The following SLC17A1 variants were observed in gnomAD, a reference collection of about 807,000 sequenced individuals.
SLC17A1 encodes the protein sodium-dependent phosphate transport protein 1.
In SLC17A1, 51 loss-of-function variants were observed where a neutral mutation model predicts 53.5. The ratio of observed to expected loss-of-function variants is 0.95; its 90% CI spans 0.76 to 1.20. SLC17A1 has a LOEUF of 1.20. Ranked by LOEUF, SLC17A1 falls within the 50% of genes most tolerant of loss-of-function variation. SLC17A1 has a pLI of 0.00. For synonymous variants in SLC17A1, 179 were observed against 198.8 expected, an observed-to-expected ratio of 0.90 and a Z score of 0.84; for missense variants, 538 against 568.2, an observed-to-expected ratio of 0.95 and a Z score of 0.54.
chr6:25,822,578 G>A (rs1764600809), intron 3 of SLC17A1, among the ~76,000 whole-genome samples: 1 of 152,096 alleles, frequency 6.6e-6, no homozygotes, highest in Non-Finnish European at 1.5e-5. Context: ...ATGGCAAAAG[G>A]TTTCATGGGG....
the SLC17A1 span, among the ~76,000 whole-genome samples, chr6:25,749,422 G>A: frequency 6.6e-6 from 1 of 152,134 alleles, no homozygotes; most frequent in South Asian, 2.1e-4. Context: ...AGTTTCTTAT[G>A]TCTTCCTTTT....
At position 25,782,932 on chromosome 6, in the gene SLC17A1, T is replaced by C. The variant is rs1763296861; in HGVS notation, c.*289A>G. On this transcript the variant is annotated 3_prime_UTR_variant, in exon 13 of 13. Transcript: ENST00000244527. ...CCTTAGAATAAAATTTTATCTTGTGTGTATTTATTGGTTTGACAATCATTT... is the reference window on the plus strand; with the variant it reads ...CCTTAGAATAAAATTTTATCTTGTGCGTATTTATTGGTTTGACAATCATTT... 1 of 152,210 alleles carries C rather than the reference T, an allele frequency of 6.6e-6. No homozygotes were observed. The allele number at this position is 152,210 out of a possible 1,614,324, so 9.4% of individuals were successfully genotyped here. A position where few individuals can be genotyped will look rare whatever the true frequency, so the allele number is the denominator to read the frequency against.
chr6:25,736,914 A>G, the SLC17A1 span, among the ~76,000 whole-genome samples: 2 of 152,222 alleles, frequency 1.3e-5, no homozygotes, highest in African/African-American at 2.4e-5. Context: ...ACAGTGAAAG[A>G]GATCTGACCT....
chr6:25,771,204 G>T, the SLC17A1 span, among the ~76,000 whole-genome samples: 1 of 152,106 alleles, frequency 6.6e-6, no homozygotes, highest in African/African-American at 2.4e-5. Flanking sequence ...TGACATTAGA[G>T]GCATCATAAC....
In SLC17A1 at chr6:25,812,917, T is replaced by G; in HGVS notation, c.811A>C (p.Ser271Arg). 1 of 1,613,654 alleles carries G rather than the reference T, an allele frequency of 6.2e-7. No homozygotes were observed. The change falls in exon 8 of 13, where the codon AGT becomes CGT. Residue 271 changes from serine to arginine, a missense_variant. Transcript: ENST00000244527. ...SLPVWAISTG[S>R]FTFFWSHNIM... ...TTATGTGACCAGAAAAACGTAAAAC[T>G]ACCAGTGGAAATAGCCCAGACTGGA...
In SLC17A1 at chr6:25,830,020, T is replaced by C. The variant is rs183848706; in HGVS notation, c.34+504A>G. ...GTTGAAAAAGTATACAATCTATCGC[T>C]CATCTCCTTTTCTGGGATTTTGTCC... On this transcript the variant is annotated intron_variant, in intron 2 of 12. Coordinates refer to ENST00000244527, the MANE Select transcript of SLC17A1 (RefSeq NM_005074.5). Among the ~76,000 whole-genome samples the C allele has an allele frequency of 1.8e-4, 27 of 152,310 alleles. No individual in the cohort carries two copies. The East Asian group carries it at 5.2e-3, about 29-fold the overall frequency.
At chr6:25,770,694 A>C in the SLC17A1 span, among the ~76,000 whole-genome samples, 4 of 152,182 alleles carry the variant, frequency 2.6e-5, no homozygotes, top group Non-Finnish European at 5.9e-5. Flanking sequence ...TTATCCTCAA[A>C]ATAATTTTAT....
the SLC17A1 span, among the ~76,000 whole-genome samples, chr6:25,739,022 C>T: frequency 6.6e-6 from 1 of 152,124 alleles, no homozygotes; most frequent in African/African-American, 2.4e-5. Context: ...ATCTAGTACT[C>T]CCACTATGGA....
chr6:25,770,281 T>C, the SLC17A1 span: 1 of 1,614,126 alleles, frequency 6.2e-7, no homozygotes, highest in Non-Finnish European at 8.5e-7. Context: ...GTCCTCCGGA[T>C]TGTACAAGGC....
At chr6:25,774,023 G>T in the SLC17A1 span, among the ~76,000 whole-genome samples, 15 of 152,014 alleles carry the variant, frequency 9.9e-5, no homozygotes, top group Admixed American at 9.8e-4. Flanking sequence ...TGCTCTGCTG[G>T]CAGCATAAAT....
the SLC17A1 span, among the ~76,000 whole-genome samples, chr6:25,757,852 A>C: frequency 2.8e-4 from 42 of 152,296 alleles, no homozygotes; most frequent in Admixed American, 5.2e-4. Context: ...ATATGTGTTC[A>C]CTAACTCAGC....
At chr6:25,781,977 C>T (rs1763277878), downstream of SLC17A1, among the ~76,000 whole-genome samples, 1 of 152,158 alleles carries the variant, frequency 6.6e-6, no homozygotes. Flanking sequence ...AAGGTGCTAG[C>T]TGACAGAGAA....
At chr6:25,746,540 C>T in the SLC17A1 span, among the ~76,000 whole-genome samples, 1 of 151,972 alleles carries the variant, frequency 6.6e-6, no homozygotes, top group African/African-American at 2.4e-5. Context: ...GGAGCAGCAT[C>T]CTAAGTTCAG....
intron 10 of SLC17A1, among the ~76,000 whole-genome samples, chr6:25,808,459 T>C (rs1561833112): frequency 6.6e-6 from 1 of 151,998 alleles, no homozygotes; most frequent in Non-Finnish European, 1.5e-5. Context: ...AATTCATCCA[T>C]GTAATTAAAA....
intron 6 of SLC17A1, among the ~76,000 whole-genome samples, chr6:25,813,414 C>T (rs1295723612): frequency 6.6e-6 from 1 of 152,138 alleles, no homozygotes; most frequent in African/African-American, 2.4e-5. Flanking sequence ...AGGCCTATGC[C>T]CTTTCCTGAT....
intron 10 of SLC17A1, among the ~76,000 whole-genome samples, chr6:25,807,943 T>TGTTTG (rs1185003635): frequency 3.9e-5 from 6 of 152,244 alleles, no homozygotes; most frequent in Non-Finnish European, 7.4e-5. Flanking sequence ...TGCAAGTGTC[T>TGTTTG]TTTTCATATA....
intron 12 of SLC17A1, among the ~76,000 whole-genome samples, chr6:25,796,578 C>G (rs1763607260): frequency 6.6e-6 from 1 of 152,072 alleles, no homozygotes; most frequent in African/African-American, 2.4e-5. Context: ...TGTACTCCAG[C>G]CTGGGCAACA....
At chr6:25,769,577 AAAGAAAGAAAAGAAAGG>A in the SLC17A1 span, among the ~76,000 whole-genome samples, 1 of 151,882 alleles carries the variant, frequency 6.6e-6, no homozygotes, top group African/African-American at 2.4e-5. Context: ...AAAAAGAAAG[AAAGAAAGAAAAGAAAGG>A]AATAAAGAAC....
At chr6:25,822,221 T>C (rs910126113) in intron 3 of SLC17A1, among the ~76,000 whole-genome samples, 16 of 152,156 alleles carry the variant, frequency 1.1e-4, no homozygotes, top group Non-Finnish European at 1.9e-4. Context: ...TCCGTGTTTT[T>C]CTTATTTCGT....
Sources: gnomAD v4.1 joint callset for allele counts (sites outside exome capture counted in the v4.1 genomes callset) on GRCh38, gnomAD v4.1.1 for gene constraint, MANE v1.5 for transcripts, NCBI Gene and HGNC (gene_info 2026-07-23, HGNC 2026-07-21) for gene names.